The following LARP1B variants were observed in gnomAD, a reference collection of about 807,000 sequenced individuals.
LARP1B encodes the protein la-related protein 1B.
In LARP1B, 76 loss-of-function variants were observed where a neutral mutation model predicts 114.2. The ratio of observed to expected loss-of-function variants is 0.67; its 90% CI spans 0.55 to 0.81. The LOEUF is 0.81. LARP1B is among the 30% of genes least tolerant of loss of function. The probability of loss-of-function intolerance (pLI) is 0.00; values close to 1 mark genes in which losing one functional copy is unlikely to be tolerated. For missense variants in LARP1B, 1,014 were observed against 1,075.8 expected (o/e 0.94, Z 0.80); for synonymous variants, 345 against 348.0 (o/e 0.99, Z 0.10).
Position 128,207,330 on chromosome 4 carries a change from A to G in LARP1B, c.2494A>G (p.Lys832Glu). 6.4e-7 allele frequency: 1 copy of G among 1,560,978 alleles called. No homozygotes were observed. Among genetic ancestry groups the G allele is most frequent in the Non-Finnish European group, 8.7e-7 (1 of 1,153,610 alleles). ...ATCTAAGACACAGTCTATTGACCCA[A>G]AACTTCAGGAATACCTCTGTAGTTT... The part of the protein sequence containing the change: ...SQSKTQSIDP[K>E]LQEYLCSFKR... The change falls in exon 19 of 20, where the codon AAA becomes GAA. Residue 832 changes from lysine (K) to glutamate (E), a missense_variant. Coordinates refer to ENST00000326639, the MANE Select transcript of LARP1B (RefSeq NM_018078.4).
At chr4:128,084,194 G>C (rs1246119471) in intron 5 of LARP1B, among the ~76,000 whole-genome samples, 1 of 152,168 alleles carries the variant, frequency 6.6e-6, no homozygotes, top group Non-Finnish European at 1.5e-5. Context: ...CGGCCAGGCA[G>C]AGATGCTCCT....
At chr4:128,170,134 T>A (rs1431772635) in intron 12 of LARP1B, among the ~76,000 whole-genome samples, 3 of 152,124 alleles carry the variant, frequency 2.0e-5, no homozygotes, top group African/African-American at 7.2e-5. Flanking sequence ...CTGTTATTAA[T>A]CTTATTGATA....
At chr4:128,098,633 T>C (rs1056261378) in intron 8 of LARP1B, among the ~76,000 whole-genome samples, 2 of 149,936 alleles carry the variant, frequency 1.3e-5, no homozygotes, top group East Asian at 2.0e-4. Flanking sequence ...TCCTTAAAAC[T>C]TCTTCAGGGC....
Position 128,206,341 on chromosome 4 carries a change from A to T in LARP1B, c.2310-87A>T. On this transcript the variant is annotated intron_variant, in intron 17 of 19. Coordinates refer to ENST00000326639, the MANE Select transcript of LARP1B (RefSeq NM_018078.4). ...GCTAAAATTTTATTTTTTGTTTAGG[A>T]TTAGTTGTGCCATGTTTGCTTATAT... 1 of 700,460 alleles carries T rather than the reference A, an allele frequency of 1.4e-6. No individual in the cohort carries two copies. Among genetic ancestry groups the T allele is most frequent in the Non-Finnish European group, 2.3e-6 (1 of 439,846 alleles). The allele number at this position is 700,460 out of a possible 1,614,324, so 43.4% of individuals were successfully genotyped here.
intron 8 of LARP1B, among the ~76,000 whole-genome samples, chr4:128,106,735 G>A (rs1782232019): frequency 6.6e-6 from 1 of 151,830 alleles, no homozygotes; most frequent in Non-Finnish European, 1.5e-5. Context: ...GGAATCATGA[G>A]TACATGTAGT....
chr4:128,185,134 A>C lies in LARP1B; in HGVS notation c.2003+5622A>C, dbSNP rs144182269. On this transcript the variant is annotated intron_variant, in intron 15 of 19. Transcript: ENST00000326639. ...GCTATAGTGAATAGTGCTGCAATAA[A>C]CATGGAAGTGCAGCTGTCTCTTTGA... 6.3e-3 allele frequency among the ~76,000 whole-genome samples: 963 copies of C among 152,310 alleles called. 13 individuals carry two copies. Among genetic ancestry groups the C allele is most frequent in the African/African-American group, 0.022 (899 of 41,572 alleles).
At chr4:128,187,342 ACC>A (rs1750711421) in intron 15 of LARP1B, among the ~76,000 whole-genome samples, 1 of 152,176 alleles carries the variant, frequency 6.6e-6, no homozygotes, top group Admixed American at 6.5e-5. Flanking sequence ...TTGTGAGCCC[ACC>A]CCTTGCACCA....
chr4:128,114,047 A>G (rs534757445), intron 9 of LARP1B, among the ~76,000 whole-genome samples: 1 of 152,226 alleles, frequency 6.6e-6, no homozygotes, highest in Non-Finnish European at 1.5e-5. Context: ...CCAAAGTAGT[A>G]AATGACTACA....
intron 5 of LARP1B, among the ~76,000 whole-genome samples, chr4:128,086,763 G>C (rs1170007477): frequency 2.0e-5 from 3 of 152,092 alleles, no homozygotes; most frequent in Non-Finnish European, 4.4e-5. Context: ...TATTGAGTTA[G>C]CTCAGGTGTT....
chr4:128,211,459 A>G lies in LARP1B; in HGVS notation c.*1406A>G, dbSNP rs537247112. 1.1e-6 allele frequency: 1 copy of G among 919,768 alleles called. No individual in the cohort carries two copies. Among genetic ancestry groups the G allele is most frequent in the Admixed American group, 6.2e-5 (1 of 16,184 alleles). The allele number at this position is 919,768 out of a possible 1,614,324, so 57.0% of individuals were successfully genotyped here. A position where few individuals can be genotyped will look rare whatever the true frequency, so the allele number is the denominator to read the frequency against. The stretch of plus-strand genomic sequence containing the variant: ...GGTTTTCATTAAGTTATTTCTCATG[A>G]TAAGTAATAATCAGCAGTTTTATAA... On this transcript the variant is annotated 3_prime_UTR_variant, in exon 20 of 20. Coordinates refer to ENST00000326639, the MANE Select transcript of LARP1B (RefSeq NM_018078.4).
chr4:128,108,248 A>G, intron 9 of LARP1B: 25 of 1,111,360 alleles, frequency 2.2e-5, no homozygotes, highest in Non-Finnish European at 2.7e-5. Flanking sequence ...TTCTGTTTCC[A>G]GGGTTATGTA....
intron 12 of LARP1B, among the ~76,000 whole-genome samples, chr4:128,171,560 G>A (rs1743749872): frequency 6.6e-6 from 1 of 152,128 alleles, no homozygotes; most frequent in African/African-American, 2.4e-5. Flanking sequence ...AAGGAGAATA[G>A]TCTATTATAT....
intron 1 of LARP1B, among the ~76,000 whole-genome samples, chr4:128,073,597 T>G (rs796385122): frequency 5.5e-5 from 5 of 91,138 alleles, no homozygotes; most frequent in African/African-American, 1.7e-4. Flanking sequence ...TTTTTTTTTT[T>G]TTTTTTTTTT....
At chr4:128,156,278 G>T in intron 11 of LARP1B, 2 of 935,288 alleles carry the variant, frequency 2.1e-6, no homozygotes, top group Non-Finnish European at 3.3e-6. Context: ...AGTCCAGCTG[G>T]CCTGGACAGT....
At chr4:128,173,776 A>G (rs1163781783) in intron 12 of LARP1B, among the ~76,000 whole-genome samples, 1 of 152,192 alleles carries the variant, frequency 6.6e-6, no homozygotes, top group Admixed American at 6.5e-5. Flanking sequence ...GTTTGGGACT[A>G]TACCTTGAAA....
chr4:128,112,716 C>T (rs950368765), intron 9 of LARP1B, among the ~76,000 whole-genome samples: 7 of 151,816 alleles, frequency 4.6e-5, no homozygotes, highest in Admixed American at 2.0e-4. Flanking sequence ...TTAGGTGATC[C>T]GCCCACCTCG....
intron 15 of LARP1B, among the ~76,000 whole-genome samples, chr4:128,191,675 T>C (rs1752337638): frequency 6.6e-6 from 1 of 152,206 alleles, no homozygotes; most frequent in Non-Finnish European, 1.5e-5. Flanking sequence ...GGCATCTCTT[T>C]TGGCTGAAAT....
chr4:128,189,324 CTTTTTTTTTT>C (rs70966089), intron 15 of LARP1B, among the ~76,000 whole-genome samples: 36 of 6,822 alleles, frequency 5.3e-3, no homozygotes, highest in Admixed American at 0.01. Flanking sequence ...AGTATGGCTA[CTTTTTTTTTT>C]TTTTTTTTTT....
At chr4:128,185,033 T>C (rs1015548611) in intron 15 of LARP1B, among the ~76,000 whole-genome samples, 1 of 151,940 alleles carries the variant, frequency 6.6e-6, no homozygotes, top group African/African-American at 2.4e-5. Flanking sequence ...TACATGTACA[T>C]ACACATATAT....
Sources: allele counts gnomAD v4.1 joint callset (sites outside exome capture counted in the v4.1 genomes callset), GRCh38; gene constraint gnomAD v4.1.1; transcripts MANE v1.5; gene names NCBI Gene and HGNC (gene_info 2026-07-23, HGNC 2026-07-21).